The following NKAIN3 variants were observed in gnomAD, a reference collection of about 807,000 sequenced individuals.
NKAIN3 encodes the protein sodium/potassium-transporting ATPase subunit beta-1-interacting protein 3.
A neutral mutation model predicts 30.2 loss-of-function variants in NKAIN3; 25 were observed. The ratio of observed to expected loss-of-function variants is 0.83; its 90% CI spans 0.60 to 1.16. The LOEUF (loss-of-function observed/expected upper bound fraction) is 1.16. Among genes scored for constraint, NKAIN3 ranks in the 50% most tolerant of loss-of-function variants. NKAIN3 has a pLI of 0.00. For synonymous variants in NKAIN3, 91 were observed against 89.6 expected (o/e 1.02, Z -0.09); for missense variants, 225 against 254.1 (o/e 0.89, Z 0.78).
At chr8:62,789,116 C>A (rs1817622415) in intron 4 of NKAIN3, among the ~76,000 whole-genome samples, 2 of 152,028 alleles carry the variant, frequency 1.3e-5, no homozygotes, top group Non-Finnish European at 2.9e-5. Context: ...CTCTAAATTA[C>A]CTTGGGCAGT....
At chr8:62,654,367 G>A (rs1014821586) in intron 3 of NKAIN3, among the ~76,000 whole-genome samples, 10 of 152,010 alleles carry the variant, frequency 6.6e-5, no homozygotes, top group Non-Finnish European at 8.8e-5. Context: ...CTAGAAAAAG[G>A]CAAGCAGAAA....
chr8:62,869,581 G>C (rs1033899675), intron 4 of NKAIN3, among the ~76,000 whole-genome samples: 1 of 152,174 alleles, frequency 6.6e-6, no homozygotes, highest in African/African-American at 2.4e-5. Context: ...CAACTCAGTG[G>C]ACTCCACCAA....
chr8:62,837,113 T>G (rs866640840), intron 4 of NKAIN3, among the ~76,000 whole-genome samples: 2 of 152,164 alleles, frequency 1.3e-5, no homozygotes, highest in African/African-American at 4.8e-5. Flanking sequence ...GCTTTTCCAG[T>G]GTTAGAACCT....
intron 1 of NKAIN3, among the ~76,000 whole-genome samples, chr8:62,345,452 TATGTATATATACAC>T (rs1262809144): frequency 8.4e-6 from 1 of 119,332 alleles, no homozygotes; most frequent in African/African-American, 3.6e-5. Flanking sequence ...TATACACACA[TATGTATATATACAC>T]ATATATACAC....
At chr8:62,934,716 T>C (rs771009228) in intron 5 of NKAIN3, among the ~76,000 whole-genome samples, 8 of 151,980 alleles carry the variant, frequency 5.3e-5, no homozygotes, top group Non-Finnish European at 1.2e-4. Context: ...CTGAAAACAA[T>C]TGGAAAAAGC....
intron 4 of NKAIN3, among the ~76,000 whole-genome samples, chr8:62,806,724 C>T (rs964361891): frequency 3.3e-5 from 5 of 151,916 alleles, no homozygotes; most frequent in Admixed American, 2.6e-4. Flanking sequence ...TTAATGGGTG[C>T]AGCACACCAG....
chr8:62,927,903 A>G (rs1822498694), intron 5 of NKAIN3, among the ~76,000 whole-genome samples: 1 of 152,240 alleles, frequency 6.6e-6, no homozygotes, highest in African/African-American at 2.4e-5. Context: ...ACAAAATGGC[A>G]TATAATATTT....
chr8:62,943,882 T>G (rs116965310), intron 5 of NKAIN3, among the ~76,000 whole-genome samples: 16,393 of 151,160 alleles, frequency 0.11, 1,198 homozygotes, highest in East Asian at 0.25. Context: ...AATTGGAGAT[T>G]ATTATTCTAA....
At position 62,643,476 on chromosome 8, in the gene NKAIN3, T is replaced by C. The variant is rs1416372824; in HGVS notation, c.273+53682T>C. On this transcript the variant is annotated intron_variant, in intron 3 of 6. Transcript: ENST00000623646. Reference sequence around the variant, plus strand: ...ATTGGGCCCAAAACCCACTATATCATAGGAGCTGCAAGAGTCAAGCTTTGA... The same window carrying C: ...ATTGGGCCCAAAACCCACTATATCACAGGAGCTGCAAGAGTCAAGCTTTGA... Among the ~76,000 whole-genome samples the C allele has an allele frequency of 3.9e-5, 6 of 152,210 alleles. No homozygotes were observed. In the East Asian group the frequency reaches 1.2e-3, roughly 29 times the overall value.
intron 1 of NKAIN3, among the ~76,000 whole-genome samples, chr8:62,570,852 G>C (rs1287123706): frequency 1.3e-5 from 2 of 152,052 alleles, no homozygotes; most frequent in African/African-American, 4.8e-5. Context: ...TTCACTACAG[G>C]TAGACACAAT....
At chr8:62,436,830 A>G (rs752753337) in intron 1 of NKAIN3, among the ~76,000 whole-genome samples, 1 of 152,202 alleles carries the variant, frequency 6.6e-6, no homozygotes, top group Admixed American at 6.5e-5. Context: ...TCTCAAAAGT[A>G]CTGGACTTCG....
At chr8:62,713,010 A>C (rs1485261587) in intron 3 of NKAIN3, among the ~76,000 whole-genome samples, 2 of 152,136 alleles carry the variant, frequency 1.3e-5, no homozygotes, top group Admixed American at 6.5e-5. Context: ...CTCCAGTGGG[A>C]GTGTGTGTTC....
chr8:62,695,992 T>C (rs16929425), intron 3 of NKAIN3, among the ~76,000 whole-genome samples: 1 of 152,050 alleles, frequency 6.6e-6, no homozygotes, highest in South Asian at 2.1e-4. Context: ...ATGCACACAC[T>C]TATAGTGCAC....
At chr8:62,964,851 T>G (rs1016040188) in intron 6 of NKAIN3, among the ~76,000 whole-genome samples, 3 of 151,964 alleles carry the variant, frequency 2.0e-5, no homozygotes, top group Admixed American at 1.3e-4. Context: ...AAACTGAAGT[T>G]TTACCAAACA....
At chr8:62,505,071 G>C (rs976847559) in intron 1 of NKAIN3, among the ~76,000 whole-genome samples, 4 of 152,072 alleles carry the variant, frequency 2.6e-5, no homozygotes, top group Non-Finnish European at 4.4e-5. Context: ...CTAGATAAAG[G>C]CAATAAAGGT....
intron 5 of NKAIN3, among the ~76,000 whole-genome samples, chr8:62,927,876 G>T (rs1026777292): frequency 6.6e-6 from 1 of 152,164 alleles, no homozygotes; most frequent in Admixed American, 6.5e-5. Flanking sequence ...TAAAAGAGAT[G>T]TTTATCCTTT....
At chr8:62,614,773 C>T (rs1016224338) in intron 3 of NKAIN3, among the ~76,000 whole-genome samples, 8 of 151,968 alleles carry the variant, frequency 5.3e-5, no homozygotes, top group African/African-American at 1.5e-4. Context: ...GGCTTCATGT[C>T]GTAGCCACTG....
intron 1 of NKAIN3, among the ~76,000 whole-genome samples, chr8:62,338,696 G>A (rs373121604): frequency 2.0e-5 from 3 of 151,952 alleles, no homozygotes; most frequent in South Asian, 2.1e-4. Context: ...AAGCCAGTCC[G>A]AGTCCCAAAG....
chr8:62,361,704 T>C (rs1161660427), intron 1 of NKAIN3, among the ~76,000 whole-genome samples: 2 of 152,214 alleles, frequency 1.3e-5, no homozygotes, highest in Admixed American at 6.5e-5. Context: ...TGATTCATAT[T>C]TTTAACACAA....
Sources: gnomAD v4.1 joint callset for allele counts (sites outside exome capture counted in the v4.1 genomes callset) on GRCh38, gnomAD v4.1.1 for gene constraint, MANE v1.5 for transcripts, NCBI Gene and HGNC (gene_info 2026-07-23, HGNC 2026-07-21) for gene names.